LRP1B: variants seen among roughly 807,000 people sequenced by gnomAD.
The protein encoded by LRP1B is LDL receptor related protein 1B, also known as low-density lipoprotein receptor-related protein 1B.
Under a neutral mutation model 556.6 loss-of-function variants are expected in LRP1B, and 217 were observed. The ratio of observed to expected loss-of-function variants is 0.39; its 90% CI spans 0.35 to 0.44. The LOEUF (loss-of-function observed/expected upper bound fraction) is 0.44, where lower values mean the gene tolerates loss of function less well. Among genes scored for constraint, LRP1B ranks in the 20% least tolerant of loss-of-function variants. LRP1B has a pLI of 1.00. For missense variants in LRP1B, 5,053 were observed against 5,620.8 expected (o/e 0.90, Z 3.23); for synonymous variants, 2,047 against 1,865.8 (o/e 1.10, Z -2.50).
rs541067662 is a variant in LRP1B, at chr2:141,582,994, C to G, written c.206-102461G>C. Among the ~76,000 whole-genome samples the G allele has an allele frequency of 4.3e-3, 659 of 151,930 alleles. 2 individuals are homozygous for G. The highest frequency in any genetic ancestry group is 5.8e-3 in the Non-Finnish European group (394 of 67,964). ...GGGACTACAGGCACCCGCCACCATG[C>G]CTGGCTAATTTTTTTGTATTTTTAG... On this transcript the variant is annotated intron_variant, in intron 2 of 90. Transcript: ENST00000389484.
At chr2:142,033,309 C>G (rs578103221) in intron 1 of LRP1B, among the ~76,000 whole-genome samples, 1 of 151,754 alleles carries the variant, frequency 6.6e-6, no homozygotes, top group African/African-American at 2.4e-5. Flanking sequence ...TCCTGACTTT[C>G]CCATTCTAGA....
chr2:141,710,008 T>A (rs1245962798), intron 2 of LRP1B, among the ~76,000 whole-genome samples: 1 of 152,040 alleles, frequency 6.6e-6, no homozygotes, highest in East Asian at 1.9e-4. Context: ...GGGTCAATTT[T>A]ATACGGGTAT....
intron 32 of LRP1B, among the ~76,000 whole-genome samples, chr2:140,809,467 G>A (rs918627996): frequency 4.6e-5 from 7 of 152,074 alleles, no homozygotes; most frequent in African/African-American, 1.7e-4. Flanking sequence ...AGCTAGTTCA[G>A]ATATTGCAGC....
chr2:140,960,764 C>CA (rs1696011465), intron 18 of LRP1B, among the ~76,000 whole-genome samples: 4 of 151,788 alleles, frequency 2.6e-5, no homozygotes. Flanking sequence ...TATTGAACTC[C>CA]AATATATGAT....
intron 84 of LRP1B, among the ~76,000 whole-genome samples, chr2:140,291,488 G>A (rs1186699388): frequency 6.6e-6 from 1 of 151,170 alleles, no homozygotes; most frequent in Non-Finnish European, 1.5e-5. Flanking sequence ...AGGCCCCGGT[G>A]TGTGATGTTC....
At chr2:140,485,027 C>A (rs1688409335) in intron 59 of LRP1B, among the ~76,000 whole-genome samples, 1 of 152,244 alleles carries the variant, frequency 6.6e-6, no homozygotes, top group Non-Finnish European at 1.5e-5. Context: ...CTTAGCCTGC[C>A]TTTCCTTCAA....
At chr2:141,982,134 A>G (rs1347265679) in intron 1 of LRP1B, among the ~76,000 whole-genome samples, 1 of 152,120 alleles carries the variant, frequency 6.6e-6, no homozygotes, top group Non-Finnish European at 1.5e-5. Context: ...ACCTCTCCAC[A>G]ACCTATGCCT....
At chr2:140,955,088 C>T (rs1695834277) in intron 18 of LRP1B, among the ~76,000 whole-genome samples, 1 of 151,880 alleles carries the variant, frequency 6.6e-6, no homozygotes, top group African/African-American at 2.4e-5. Context: ...TCCTAGAGAT[C>T]AAGAAGTCAG....
intron 37 of LRP1B, among the ~76,000 whole-genome samples, chr2:140,712,619 A>G (rs574458947): frequency 1.3e-5 from 2 of 151,778 alleles, no homozygotes; most frequent in African/African-American, 2.4e-5. Context: ...ATACTCTACA[A>G]TCTTCTCAAC....
At chr2:141,329,655 A>AAAAAAAAAACAAAACAAAAC (rs1687567376) in intron 3 of LRP1B, among the ~76,000 whole-genome samples, 4 of 138,128 alleles carry the variant, frequency 2.9e-5, no homozygotes, top group Non-Finnish European at 4.6e-5. Context: ...AAAAAAAAAA[A>AAAAAAAAAACAAAACAAAAC]AAAAAAAAAA....
intron 52 of LRP1B, 27 bp from the exon 53 acceptor site, chr2:140,506,945 G>A: frequency 6.2e-7 from 1 of 1,610,678 alleles, no homozygotes; most frequent in South Asian, 1.1e-5. Flanking sequence ...AAAAAATAAA[G>A]TTAGATGAGC....
rs201130833 is a variant in LRP1B at position 141,295,790 on chromosome 2, C to A, written c.344-41149G>T. ...ACACACACACACACACACACACACA[C>A]ATAACAGTGGGGCATCTAGCCTCTA... is the stretch of plus-strand genomic sequence containing the variant. On this transcript the variant is annotated intron_variant, in intron 3 of 90. Coordinates refer to ENST00000389484, the MANE Select transcript of LRP1B (RefSeq NM_018557.3). Among the ~76,000 whole-genome samples, 326 of 141,308 alleles carry A rather than the reference C, an allele frequency of 2.3e-3. 1 individual carries two copies. The highest frequency in any genetic ancestry group is 7.6e-3 in the African/African-American group (302 of 39,518). The allele number at this position is 141,308 out of a possible 152,430, so 92.7% of individuals were successfully genotyped here.
intron 7 of LRP1B, among the ~76,000 whole-genome samples, chr2:141,155,977 A>G (rs1702055635): frequency 6.6e-6 from 1 of 152,102 alleles, no homozygotes; most frequent in East Asian, 1.9e-4. Flanking sequence ...CATAATTCCT[A>G]CAGGAACATA....
chr2:142,056,506 G>T (rs1175228141), intron 1 of LRP1B, among the ~76,000 whole-genome samples: 2 of 152,168 alleles, frequency 1.3e-5, no homozygotes, highest in East Asian at 1.9e-4. Flanking sequence ...TATTAGGAAG[G>T]GGTGGGCCAG....
chr2:140,348,383 T>C (rs1206359366), intron 77 of LRP1B, among the ~76,000 whole-genome samples: 2 of 152,120 alleles, frequency 1.3e-5, no homozygotes, highest in African/African-American at 2.4e-5. Flanking sequence ...AGTATTGTTA[T>C]GAAATTTGGC....
chr2:141,074,585 CTCTCTATA>C (rs1699734674), intron 7 of LRP1B, among the ~76,000 whole-genome samples: 2 of 94,386 alleles, frequency 2.1e-5, no homozygotes, highest in Admixed American at 2.4e-4. Flanking sequence ...CTCTCTCTCT[CTCTCTATA>C]TATATATATA....
intron 2 of LRP1B, among the ~76,000 whole-genome samples, chr2:141,616,367 A>G (rs898719690): frequency 2.1e-5 from 3 of 146,012 alleles, no homozygotes; most frequent in African/African-American, 7.3e-5. Context: ...GGCAATGAAA[A>G]CAATAATCAT....
At chr2:141,277,313 C>G (rs1573744798) in intron 3 of LRP1B, among the ~76,000 whole-genome samples, 2 of 152,106 alleles carry the variant, frequency 1.3e-5, no homozygotes, top group African/African-American at 4.8e-5. Flanking sequence ...TATTTTTAGG[C>G]TTTTTAATAA....
chr2:140,947,601 A>C (rs554052086), intron 20 of LRP1B, among the ~76,000 whole-genome samples: 56 of 152,324 alleles, frequency 3.7e-4, no homozygotes, highest in Non-Finnish European at 7.5e-4. Context: ...CAGCTTTAAC[A>C]ATCTGTGTCA....
Sources: allele counts gnomAD v4.1 joint callset (sites outside exome capture counted in the v4.1 genomes callset), GRCh38; gene constraint gnomAD v4.1.1; transcripts MANE v1.5; gene names NCBI Gene and HGNC (gene_info 2026-07-23, HGNC 2026-07-21).